Variants in CFAP251 observed in about 807,000 individuals in gnomAD.
CFAP251 encodes cilia- and flagella-associated protein 251.
In CFAP251, 93 loss-of-function variants were observed where a neutral mutation model predicts 126.7. That is an observed-to-expected ratio of 0.73 (90% CI 0.62 to 0.87). The LOEUF is 0.87. Ranked by LOEUF, CFAP251 falls within the 40% of genes least tolerant of loss-of-function variation. The pLI, the probability that CFAP251 is intolerant of heterozygous loss-of-function variation, is 0.00. For missense variants in CFAP251, 1,287 were observed against 1,389.2 expected (o/e 0.93, Z 1.17); for synonymous variants, 503 against 506.9 (o/e 0.99, Z 0.10).
chr12:121,956,599 G>T (rs373668956), intron 10 of CFAP251, among the ~76,000 whole-genome samples: 36 of 152,222 alleles, frequency 2.4e-4, no homozygotes, highest in Middle Eastern at 6.8e-3. Flanking sequence ...ATGTTCAAGC[G>T]ATTCTCCTGC....
At chr12:121,924,076 A>G in intron 3 of CFAP251, 86 bp downstream of exon 3, 1 of 1,420,428 alleles carries the variant, frequency 7.0e-7, no homozygotes, top group Non-Finnish European at 9.5e-7. Context: ...GGGAAAAAGA[A>G]TACCACCAGA....
In CFAP251 at chr12:121,999,871, G is replaced by A. The variant is rs750905678; in HGVS notation, c.3162G>A (p.Val1054=). 12 of 1,614,170 alleles carry A rather than the reference G, an allele frequency of 7.4e-6. No homozygotes were observed. The highest frequency in any genetic ancestry group is 1.3e-5 in the African/African-American group (1 of 75,060). ...GTGGCATCCACAAGAGCTTTGAGGT[G>A]CTCGGTTATACCAACTCCAAAGGGA... The part of the protein sequence containing the change: ...TMSGIHKSFE[V]LGYTNSKGKK... Residue 1054 remains valine (V), a synonymous_variant, in exon 20 of 22, where the codon GTG becomes GTA. Coordinates refer to ENST00000288912, the MANE Select transcript of CFAP251 (RefSeq NM_144668.6).
intron 4 of CFAP251, chr12:121,933,030 G>A (rs1880753296): frequency 6.6e-6 from 1 of 152,310 alleles, no homozygotes; most frequent in Admixed American, 6.5e-5. Context: ...AATAGTTATA[G>A]CTGCTATGTT....
intron 1 of CFAP251, among the ~76,000 whole-genome samples, chr12:121,920,135 G>A (rs1880097765): frequency 7.0e-6 from 1 of 142,952 alleles, no homozygotes; most frequent in African/African-American, 2.6e-5. Context: ...AGTGAGCCAA[G>A]ATCGTGCCAC....
intron 3 of CFAP251, 103 bp downstream of exon 3, chr12:121,924,093 C>T: frequency 1.5e-6 from 2 of 1,326,810 alleles, no homozygotes; most frequent in Admixed American, 2.4e-5. Flanking sequence ...CAGAAGGATA[C>T]TTTTTAAACT....
At position 121,958,380 on chromosome 12, in the gene CFAP251, C is replaced by T. The variant is rs780661513; in HGVS notation, c.1839C>T (p.Ser613=). The part of the protein sequence containing the change: ...VEPKDAICAI[S]CHPYQPLIAI... ...CCAAGGATGCCATTTGTGCCATCTC[C>T]TGCCACCCATATCAACCCCTCATTG... The change falls in exon 12 of 22, where the codon TCC becomes TCT. Residue 613 remains serine (S), a synonymous_variant. Coordinates refer to ENST00000288912, the MANE Select transcript of CFAP251 (RefSeq NM_144668.6). 6.2e-7 allele frequency: 1 copy of T among 1,614,248 alleles called. No homozygotes were observed. Among genetic ancestry groups the T allele is most frequent in the Non-Finnish European group, 8.5e-7 (1 of 1,180,050 alleles).
At chr12:121,924,109 T>C in intron 3 of CFAP251, 119 bp downstream of exon 3, 24 of 1,269,722 alleles carry the variant, frequency 1.9e-5, no homozygotes, top group Non-Finnish European at 2.6e-5. Context: ...AAACTAATAA[T>C]AGACTTGTGT....
At chr12:121,971,859 G>T (rs1442462588) in intron 17 of CFAP251, 4 of 456,300 alleles carry the variant, frequency 8.8e-6, no homozygotes, top group South Asian at 4.4e-5. Context: ...GTTGGATGGT[G>T]GGGGAGCAGG....
chr12:121,955,323 T>C (rs1048420545), intron 10 of CFAP251, among the ~76,000 whole-genome samples: 4 of 152,022 alleles, frequency 2.6e-5, no homozygotes, highest in African/African-American at 9.7e-5. Context: ...ATTTACCCAT[T>C]GTGAGAAGAT....
intron 17 of CFAP251, chr12:121,968,776 T>C: frequency 2.1e-6 from 1 of 470,018 alleles, no homozygotes; most frequent in Non-Finnish European, 2.8e-6. Context: ...TAATAGGAAC[T>C]TCTGTAGGAT....
At chr12:121,919,408 G>T (rs984139617) in intron 1 of CFAP251, among the ~76,000 whole-genome samples, 2 of 151,934 alleles carry the variant, frequency 1.3e-5, no homozygotes, top group Non-Finnish European at 2.9e-5. Context: ...ATGCCAGAAG[G>T]CTTTCAAACT....
At chr12:121,958,875 TG>T in intron 12 of CFAP251, 67 bp from the exon 13 acceptor site, 1 of 1,516,276 alleles carries the variant, frequency 6.6e-7, no homozygotes, top group Non-Finnish European at 8.8e-7. Context: ...GAACAAAGCC[TG>T]GCACAGACTC....
At chr12:122,002,246 T>A (rs948711023) in intron 21 of CFAP251, among the ~76,000 whole-genome samples, 2 of 152,032 alleles carry the variant, frequency 1.3e-5, no homozygotes, top group African/African-American at 4.8e-5. Flanking sequence ...TCCCAGTTAC[T>A]TGGGAGGCTG....
At position 121,931,749 on chromosome 12, in the gene CFAP251, A is replaced by G; in HGVS notation, c.751A>G (p.Met251Val). 1 of 1,573,078 alleles carries G rather than the reference A, an allele frequency of 6.4e-7. No individual in the cohort carries two copies. Among genetic ancestry groups the G allele is most frequent in the Non-Finnish European group, 8.6e-7 (1 of 1,162,138 alleles). The change falls in exon 4 of 22, where the codon ATG becomes GTG. Residue 251 changes from methionine to valine, a missense_variant. Met to Val is a conservative substitution (Grantham distance 21). Transcript: ENST00000288912. Reference sequence around the variant, plus strand: ...TGGCTTTGCCCTTGTCTTCCAGACCATGACCTGGTCGTTTGGATGGAACAG... The same window carrying G: ...TGGCTTTGCCCTTGTCTTCCAGACCGTGACCTGGTCGTTTGGATGGAACAG... ...DKSTPVYPLT[M>V]TWSFGWNSSL... is the part of the protein sequence containing the mutation.
chr12:121,968,064 GC>G lies in CFAP251; in HGVS notation c.2668del (p.His890ThrfsTer34), dbSNP rs750150986. ...GNPHKTSAIV[C>X]HPNGVAGMAV... The stretch of plus-strand genomic sequence containing the variant: ...CCACATAAGACATCTGCTATTGTTT[GC>G]CACCCGAACGGGGTGGCCGGCATGG... On this transcript the variant is annotated frameshift_variant, in exon 17 of 22. Coordinates refer to ENST00000288912, the MANE Select transcript of CFAP251 (RefSeq NM_144668.6). LOFTEE classifies it high-confidence loss of function. 3.7e-6 allele frequency: 6 copies of G among 1,613,584 alleles called. No homozygotes were observed. In the South Asian group the frequency reaches 5.5e-5, roughly 15 times the overall value.
At chr12:121,969,211 T>C (rs1238199975) in intron 17 of CFAP251, 1 of 985,272 alleles carries the variant, frequency 1.0e-6, no homozygotes, top group Admixed American at 6.1e-5. Context: ...ATATTGAAGC[T>C]TCTACTCTTA....
intron 1 of CFAP251, among the ~76,000 whole-genome samples, chr12:121,919,876 A>G (rs1880084999): frequency 6.6e-6 from 1 of 152,182 alleles, no homozygotes; most frequent in Non-Finnish European, 1.5e-5. Flanking sequence ...CTGGGCCACA[A>G]ATACATATAC....
rs180926705 is a variant in CFAP251, at chr12:121,977,771, C to T, written c.3006+2086C>T. On this transcript the variant is annotated intron_variant, in intron 19 of 21. Coordinates refer to ENST00000288912, the MANE Select transcript of CFAP251 (RefSeq NM_144668.6). ...AAGATCGAGACCATCCTGGCTAACA[C>T]GGTGAAACCCCATCTCTATGAAAAA... 5.3e-3 allele frequency among the ~76,000 whole-genome samples: 792 copies of T among 150,354 alleles called. 18 individuals are homozygous for T. Among genetic ancestry groups the T allele is most frequent in the East Asian group, 0.037 (184 of 5,028 alleles).
chr12:121,965,524 A>T (rs180708209), intron 15 of CFAP251, among the ~76,000 whole-genome samples: 2 of 152,304 alleles, frequency 1.3e-5, no homozygotes, highest in South Asian at 4.1e-4. Flanking sequence ...ATGCCCATTA[A>T]TAGGGGATGA....
Sources: gnomAD v4.1 joint callset for allele counts (sites outside exome capture counted in the v4.1 genomes callset) on GRCh38, gnomAD v4.1.1 for gene constraint, MANE v1.5 for transcripts, NCBI Gene and HGNC (gene_info 2026-07-23, HGNC 2026-07-21) for gene names.